Variants in TMTC2 observed in about 807,000 individuals in gnomAD.
The protein encoded by TMTC2 is protein O-mannosyl-transferase TMTC2.
TMTC2 carries 43 observed loss-of-function variants against 82.4 expected under a neutral mutation model. The observed-to-expected ratio is 0.52, with a 90% CI of 0.41 to 0.67. The LOEUF (loss-of-function observed/expected upper bound fraction) is 0.67. TMTC2 is among the 30% of genes least tolerant of loss of function. The pLI is 0.00. For synonymous variants in TMTC2, 408 were observed against 381.9 expected (o/e 1.07, Z -0.80); for missense variants, 919 against 1,012.4 (o/e 0.91, Z 1.25).
intron 3 of TMTC2, among the ~76,000 whole-genome samples, chr12:82,905,284 G>C (rs1874232334): frequency 6.6e-6 from 1 of 152,108 alleles, no homozygotes; most frequent in East Asian, 1.9e-4. Flanking sequence ...AATAATTGTA[G>C]TATATATGGC....
chr12:82,690,376 G>C, intron 1 of TMTC2: 1 of 985,450 alleles, frequency 1.0e-6, no homozygotes, highest in East Asian at 1.1e-4. Context: ...AAGCACTCAA[G>C]GGAGATGGCT....
At chr12:82,703,540 C>T (rs1338143786) in intron 1 of TMTC2, among the ~76,000 whole-genome samples, 1 of 150,658 alleles carries the variant, frequency 6.6e-6, no homozygotes, top group Non-Finnish European at 1.5e-5. Context: ...ACTGTGTCGC[C>T]CAGGCTGGAG....
chr12:83,016,597 T>C (rs1880691053), intron 8 of TMTC2, among the ~76,000 whole-genome samples: 1 of 152,206 alleles, frequency 6.6e-6, no homozygotes, highest in South Asian at 2.1e-4. Context: ...CTGCACACAA[T>C]GCCAGGCATA....
chr12:83,098,727 C>A (rs1884114515), intron 11 of TMTC2, among the ~76,000 whole-genome samples: 2 of 152,136 alleles, frequency 1.3e-5, no homozygotes, highest in Non-Finnish European at 2.9e-5. Context: ...ACCTTCATGC[C>A]CATACACTGC....
intron 4 of TMTC2, among the ~76,000 whole-genome samples, chr12:82,955,720 A>C (rs1407878344): frequency 6.6e-6 from 1 of 152,162 alleles, no homozygotes; most frequent in African/African-American, 2.4e-5. Flanking sequence ...TCTTTGACCA[A>C]AACAAATACT....
chr12:82,747,453 T>G (rs561284703), intron 1 of TMTC2, among the ~76,000 whole-genome samples: 1 of 152,176 alleles, frequency 6.6e-6, no homozygotes, highest in African/African-American at 2.4e-5. Context: ...GCATAATGAC[T>G]TCCAGCTTTA....
At chr12:82,970,584 C>A (rs1055376986) in intron 7 of TMTC2, among the ~76,000 whole-genome samples, 3 of 152,108 alleles carry the variant, frequency 2.0e-5, no homozygotes, top group African/African-American at 7.2e-5. Flanking sequence ...CCACCCGCCT[C>A]GGCCTCCCAA....
chr12:82,915,963 G>A (rs755987815), intron 3 of TMTC2, among the ~76,000 whole-genome samples: 33 of 152,314 alleles, frequency 2.2e-4, no homozygotes, highest in Non-Finnish European at 3.8e-4. Flanking sequence ...GGAGGCCAAG[G>A]CAGGAGGATT....
chr12:82,782,964 G>A (rs182751742), intron 1 of TMTC2, among the ~76,000 whole-genome samples: 1 of 152,146 alleles, frequency 6.6e-6, no homozygotes, highest in East Asian at 1.9e-4. Flanking sequence ...TCTTTCATGG[G>A]TATAATAAAT....
intron 2 of TMTC2, among the ~76,000 whole-genome samples, chr12:82,864,090 CAG>C (rs1317842548): frequency 6.6e-6 from 1 of 152,076 alleles, no homozygotes. Context: ...GAGCATTACA[CAG>C]AGGAAAACTC....
chr12:82,973,705 G>A (rs1878545893), intron 7 of TMTC2, among the ~76,000 whole-genome samples: 1 of 152,136 alleles, frequency 6.6e-6, no homozygotes, highest in Non-Finnish European at 1.5e-5. Context: ...CATTAAGTAG[G>A]TAATATATTT....
At chr12:82,933,126 TG>T (rs1304192257) in intron 4 of TMTC2, among the ~76,000 whole-genome samples, 1 of 152,230 alleles carries the variant, frequency 6.6e-6, no homozygotes, top group Non-Finnish European at 1.5e-5. Context: ...TTTACTAATA[TG>T]ATGGGTCTTT....
intron 11 of TMTC2, among the ~76,000 whole-genome samples, chr12:83,065,087 T>A (rs1429519433): frequency 6.6e-6 from 1 of 151,954 alleles, no homozygotes; most frequent in Admixed American, 6.6e-5. Context: ...ATTCTGTGAA[T>A]GTTTCTGCAA....
chr12:82,747,656 C>G (rs1875759298), intron 1 of TMTC2, among the ~76,000 whole-genome samples: 1 of 152,188 alleles, frequency 6.6e-6, no homozygotes, highest in Admixed American at 6.5e-5. Context: ...AGCATTCATA[C>G]CTTCAATGGA....
intron 1 of TMTC2, among the ~76,000 whole-genome samples, chr12:82,733,554 C>T (rs1166241116): frequency 1.3e-5 from 2 of 152,154 alleles, no homozygotes; most frequent in Admixed American, 1.3e-4. Flanking sequence ...ATTAATTTTA[C>T]TTCATTATCT....
intron 7 of TMTC2, among the ~76,000 whole-genome samples, chr12:82,980,961 A>T (rs1354147118): frequency 1.3e-5 from 2 of 151,882 alleles, no homozygotes; most frequent in African/African-American, 4.8e-5. Context: ...TGCACCTACA[A>T]GCAAACTTTG....
intron 8 of TMTC2, among the ~76,000 whole-genome samples, chr12:83,000,593 G>A (rs1185591066): frequency 1.3e-5 from 2 of 152,182 alleles, no homozygotes; most frequent in Admixed American, 6.5e-5. Flanking sequence ...ATGGGCTGGT[G>A]TTGTGTGTCT....
intron 11 of TMTC2, among the ~76,000 whole-genome samples, chr12:83,064,653 A>C (rs1010757069): frequency 2.6e-5 from 4 of 151,892 alleles, no homozygotes; most frequent in African/African-American, 9.7e-5. Context: ...TCTCCCATCT[A>C]AGTACTAACC....
Position 82,896,166 on chromosome 12 carries a change from A to C in TMTC2, c.1003A>C (p.Arg335=). ...TGGTTTGAAGAGCCCGAGCGTAGAC[A>C]GAGAATGCAATGGGAAAACTGTAAC... ...YYGLKSPSVD[R]ECNGKTVTNG... Residue 335 remains arginine (R), a synonymous_variant, in exon 3 of 12, where the codon AGA becomes CGA. Transcript: ENST00000321196. 1.2e-6 allele frequency: 2 copies of C among 1,614,068 alleles called. No homozygotes were observed. Among genetic ancestry groups the C allele is most frequent in the South Asian group, 1.1e-5 (1 of 91,068 alleles).
Sources: gnomAD v4.1 joint callset for allele counts (sites outside exome capture counted in the v4.1 genomes callset) on GRCh38, gnomAD v4.1.1 for gene constraint, MANE v1.5 for transcripts, NCBI Gene and HGNC (gene_info 2026-07-23, HGNC 2026-07-21) for gene names.